The following MTMR12 variants were observed in gnomAD, a reference collection of about 807,000 sequenced individuals.
MTMR12 encodes the protein myotubularin-related protein 12.
In MTMR12, 33 loss-of-function variants were observed where a neutral mutation model predicts 96.7. The observed-to-expected ratio is 0.34, with a 90% CI of 0.26 to 0.46. MTMR12 has a LOEUF of 0.46. Ranked by LOEUF, MTMR12 falls within the 20% of genes least tolerant of loss-of-function variation. MTMR12 has a pLI of 1.00. For missense variants in MTMR12, 721 were observed against 896.1 expected (o/e 0.80, Z 2.49); for synonymous variants, 298 against 327.2 (o/e 0.91, Z 0.96).
At chr5:32,237,651 C>T (rs1474190727) in intron 13 of MTMR12, among the ~76,000 whole-genome samples, 1 of 152,052 alleles carries the variant, frequency 6.6e-6, no homozygotes, top group African/African-American at 2.4e-5. Context: ...GCTGGGACTA[C>T]AGGCATGTGC....
At chr5:32,251,073 T>TTTTTA in intron 8 of MTMR12, among the ~76,000 whole-genome samples, 1 of 149,664 alleles carries the variant, frequency 6.7e-6, no homozygotes, top group African/African-American at 2.5e-5. Flanking sequence ...TTTTTTTTTT[T>TTTTTA]GAGACGGAGT....
At chr5:32,299,073 A>G (rs550579666) in intron 1 of MTMR12, among the ~76,000 whole-genome samples, 1 of 151,890 alleles carries the variant, frequency 6.6e-6, no homozygotes, top group African/African-American at 2.4e-5. Flanking sequence ...ACACACATAC[A>G]CATACACACA....
At chr5:32,296,823 C>T (rs1410053284) in intron 1 of MTMR12, among the ~76,000 whole-genome samples, 3 of 148,062 alleles carry the variant, frequency 2.0e-5, no homozygotes, top group Non-Finnish European at 4.5e-5. Context: ...AAAAAAGTGG[C>T]CGGGCGCGGT....
At chr5:32,296,357 T>A (rs1360540572) in intron 1 of MTMR12, 1 of 180,898 alleles carries the variant, frequency 5.5e-6, no homozygotes, top group African/African-American at 2.4e-5. Flanking sequence ...TGTGTACCTG[T>A]AGTCCCAGCT....
intron 1 of MTMR12, among the ~76,000 whole-genome samples, chr5:32,302,872 C>T (rs995059125): frequency 3.3e-5 from 5 of 152,044 alleles, no homozygotes; most frequent in South Asian, 4.1e-4. Context: ...CCAAATCATT[C>T]GCAAATGTAT....
At chr5:32,301,214 T>C (rs1402362939) in intron 1 of MTMR12, among the ~76,000 whole-genome samples, 1 of 152,022 alleles carries the variant, frequency 6.6e-6, no homozygotes, top group Non-Finnish European at 1.5e-5. Flanking sequence ...GAGAATACAT[T>C]TGGGCATCAA....
chr5:32,231,380 G>GAAAAAAA (rs1747989486), intron 15 of MTMR12, among the ~76,000 whole-genome samples: 1 of 101,530 alleles, frequency 9.8e-6, no homozygotes, highest in African/African-American at 6.3e-5. Context: ...ACTCTGGCTC[G>GAAAAAAA]CAAAAAAAAA....
intron 3 of MTMR12, among the ~76,000 whole-genome samples, chr5:32,273,146 T>C (rs544843842): frequency 6.9e-6 from 1 of 145,408 alleles, no homozygotes; most frequent in South Asian, 2.1e-4. Context: ...ATGTCTGTAA[T>C]CCCAGCACTT....
Position 32,263,223 on chromosome 5 carries a change from A to G in MTMR12, c.603T>C (p.His201=). The G allele has an allele frequency of 6.2e-7, 1 of 1,614,024 alleles. No homozygotes were observed. The highest frequency in any genetic ancestry group is 8.5e-7 in the Non-Finnish European group (1 of 1,179,958). ...QNNTVTDPKN[H]TVMFDTLKDW... is the part of the protein sequence containing the mutation. ...CCTTAAGTGTGTCAAACATTACGGTATGGTTCTTGGGATCAGTGACTAAGA... is the reference window on the plus strand; with the variant it reads ...CCTTAAGTGTGTCAAACATTACGGTGTGGTTCTTGGGATCAGTGACTAAGA... Residue 201 remains histidine (H), a synonymous_variant, in exon 7 of 16, where the codon CAT becomes CAC. Transcript: ENST00000382142.
At chr5:32,277,318 G>A (rs1263789168) in intron 1 of MTMR12, among the ~76,000 whole-genome samples, 9 of 152,196 alleles carry the variant, frequency 5.9e-5, no homozygotes, top group Admixed American at 4.6e-4. Context: ...TAGAGGGGGT[G>A]AGGTGGGCAC....
chr5:32,284,617 A>G (rs1201340257), intron 1 of MTMR12, among the ~76,000 whole-genome samples: 2 of 152,170 alleles, frequency 1.3e-5, no homozygotes, highest in African/African-American at 2.4e-5. Flanking sequence ...GTTTTACAGA[A>G]GGGTCTAGAG....
chr5:32,239,834 C>T (rs1413881826), intron 12 of MTMR12, among the ~76,000 whole-genome samples: 1 of 152,224 alleles, frequency 6.6e-6, no homozygotes, highest in South Asian at 2.1e-4. Flanking sequence ...GACAAACTCT[C>T]CTTGGTCTAC....
intron 1 of MTMR12, among the ~76,000 whole-genome samples, chr5:32,290,087 A>AT (rs1750684554): frequency 2.6e-5 from 4 of 152,208 alleles, no homozygotes; most frequent in African/African-American, 9.6e-5. Context: ...AAATTAACAC[A>AT]TCTCCTGGTA....
chr5:32,299,087 GCACACACA>G (rs147880558), intron 1 of MTMR12, among the ~76,000 whole-genome samples: 1 of 149,980 alleles, frequency 6.7e-6, no homozygotes, highest in African/African-American at 2.5e-5. Context: ...ACACACACAC[GCACACACA>G]CACACATACC....
chr5:32,263,761 A>C (rs1005277559), intron 6 of MTMR12, among the ~76,000 whole-genome samples: 8 of 152,064 alleles, frequency 5.3e-5, no homozygotes, highest in African/African-American at 1.9e-4. Context: ...CATTGTAGGA[A>C]CTGAGTTCCA....
At chr5:32,234,745 G>C (rs531183970) in intron 14 of MTMR12, 5 of 422,030 alleles carry the variant, frequency 1.2e-5, no homozygotes, top group East Asian at 1.1e-4. Flanking sequence ...TTGGTATGTA[G>C]TTAGTGTTCA....
In MTMR12 at chr5:32,274,139, C is replaced by T; in HGVS notation, c.143-17G>A. ...GCTGTTCACCTGGTAGAAACCAAAA[C>T]AGGTCCTCCTTAGAGTTCTCAGGGA... On this transcript the variant is annotated splice_polypyrimidine_tract_variant and intron_variant, in intron 2 of 15. Coordinates refer to ENST00000382142, the MANE Select transcript of MTMR12 (RefSeq NM_001040446.3). The T allele has an allele frequency of 6.2e-7, 1 of 1,613,482 alleles. No individual in the cohort carries two copies. The highest frequency in any genetic ancestry group is 8.5e-7 in the Non-Finnish European group (1 of 1,179,738).
intron 7 of MTMR12, among the ~76,000 whole-genome samples, chr5:32,258,741 T>C (rs1271790776): frequency 6.6e-6 from 1 of 152,082 alleles, no homozygotes; most frequent in African/African-American, 2.4e-5. Flanking sequence ...ATCTGTGCAG[T>C]TGTTTAAACC....
Position 32,282,326 on chromosome 5 carries a change from C to T in MTMR12, c.82-5584G>A, listed in dbSNP as rs528116400. ...AGTCCAGCTACTCTGGAGGCTGAGGCAGGAGAATGGCGTGAGCCCGGGAGG... is the reference window on the plus strand; with the variant it reads ...AGTCCAGCTACTCTGGAGGCTGAGGTAGGAGAATGGCGTGAGCCCGGGAGG... On this transcript the variant is annotated intron_variant, in intron 1 of 15. Transcript: ENST00000382142. 5.0e-3 allele frequency among the ~76,000 whole-genome samples: 766 copies of T among 152,102 alleles called. 9 individuals are homozygous for T. The highest frequency in any genetic ancestry group is 0.017 in the African/African-American group (702 of 41,506).
Sources: gnomAD v4.1 joint callset for allele counts (sites outside exome capture counted in the v4.1 genomes callset) on GRCh38, gnomAD v4.1.1 for gene constraint, MANE v1.5 for transcripts, NCBI Gene and HGNC (gene_info 2026-07-23, HGNC 2026-07-21) for gene names.